Variants in SLC39A11 observed in about 807,000 individuals in gnomAD.
The protein encoded by SLC39A11 is solute carrier family 39 member 11.
A neutral mutation model predicts 36.1 loss-of-function variants in SLC39A11; 33 were observed. That is an observed-to-expected ratio of 0.91 (90% CI 0.69 to 1.22). The LOEUF is 1.22. Ranked by LOEUF, SLC39A11 falls within the 50% of genes most tolerant of loss-of-function variation. The pLI, the probability that SLC39A11 is intolerant of heterozygous loss-of-function variation, is 0.00. For missense variants in SLC39A11, 432 were observed against 430.3 expected, an observed-to-expected ratio of 1.00 and a Z score of -0.03; for synonymous variants, 166 against 170.3, an observed-to-expected ratio of 0.97 and a Z score of 0.20.
At chr17:72,960,827 C>CAA (rs144802846) in intron 4 of SLC39A11, among the ~76,000 whole-genome samples, 2 of 141,806 alleles carry the variant, frequency 1.4e-5, no homozygotes, top group Non-Finnish European at 3.1e-5. Flanking sequence ...AAACAAACAA[C>CAA]AAAAAAAAAA....
chr17:72,939,882 A>G (rs185955222), intron 5 of SLC39A11, among the ~76,000 whole-genome samples: 1 of 152,270 alleles, frequency 6.6e-6, no homozygotes, highest in East Asian at 1.9e-4. Flanking sequence ...CAGATTTTGG[A>G]ATATTTGCAT....
intron 5 of SLC39A11, among the ~76,000 whole-genome samples, chr17:72,908,634 T>C (rs973291751): frequency 7.2e-5 from 11 of 152,134 alleles, no homozygotes; most frequent in Admixed American, 2.0e-4. Context: ...CTACAGCCCA[T>C]GGGGTGACCA....
At chr17:72,970,932 G>A (rs551071214) in intron 4 of SLC39A11, among the ~76,000 whole-genome samples, 8 of 152,294 alleles carry the variant, frequency 5.3e-5, no homozygotes, top group East Asian at 1.9e-4. Flanking sequence ...CCCCTTGCAC[G>A]GCACCTCCGC....
intron 6 of SLC39A11, among the ~76,000 whole-genome samples, chr17:72,783,972 G>T (rs1568085885): frequency 1.3e-5 from 2 of 152,174 alleles, no homozygotes. Context: ...AGTAGAAGCA[G>T]ATGGGAAAGG....
At chr17:72,994,594 T>A (rs1323013475) in intron 4 of SLC39A11, among the ~76,000 whole-genome samples, 2 of 152,208 alleles carry the variant, frequency 1.3e-5, no homozygotes, top group Non-Finnish European at 2.9e-5. Flanking sequence ...TTTACGTGTA[T>A]CATATTTCAT....
intron 3 of SLC39A11, among the ~76,000 whole-genome samples, chr17:73,051,945 C>G (rs2059517891): frequency 6.6e-6 from 1 of 151,408 alleles, no homozygotes; most frequent in Non-Finnish European, 1.5e-5. Context: ...AATGTATCAT[C>G]AGGCTTAGGA....
At chr17:72,739,961 A>G (rs2074603048) in intron 6 of SLC39A11, among the ~76,000 whole-genome samples, 1 of 151,668 alleles carries the variant, frequency 6.6e-6, no homozygotes, top group Non-Finnish European at 1.5e-5. Context: ...TGTGTGCTAT[A>G]TATATTATAT....
chr17:72,674,622 T>G (rs2071172959), intron 7 of SLC39A11, among the ~76,000 whole-genome samples: 1 of 152,202 alleles, frequency 6.6e-6, no homozygotes, highest in Admixed American at 6.5e-5. Context: ...ATTGCCAAAT[T>G]TCTCTCCAGA....
intron 7 of SLC39A11, among the ~76,000 whole-genome samples, chr17:72,728,210 G>A (rs1210802195): frequency 6.6e-6 from 1 of 152,178 alleles, no homozygotes; most frequent in Non-Finnish European, 1.5e-5. Flanking sequence ...ACTTTGGGAG[G>A]CTGAGGCAGG....
At chr17:72,801,107 G>C (rs1405812030) in intron 6 of SLC39A11, among the ~76,000 whole-genome samples, 3 of 152,222 alleles carry the variant, frequency 2.0e-5, no homozygotes, top group Non-Finnish European at 2.9e-5. Flanking sequence ...AGAAGAGGCA[G>C]ATCTAGAGAA....
At chr17:72,838,743 G>C (rs932747250) in intron 6 of SLC39A11, among the ~76,000 whole-genome samples, 1 of 152,124 alleles carries the variant, frequency 6.6e-6, no homozygotes, top group East Asian at 1.9e-4. Context: ...ATGGAGTAGG[G>C]TCAGTAACCA....
chr17:72,796,598 G>A (rs561956571), intron 6 of SLC39A11, among the ~76,000 whole-genome samples: 1 of 152,240 alleles, frequency 6.6e-6, no homozygotes, highest in South Asian at 2.1e-4. Context: ...ACAGAATCAT[G>A]AGCAGAAAGC....
intron 7 of SLC39A11, among the ~76,000 whole-genome samples, chr17:72,657,410 A>C (rs1352212987): frequency 6.6e-6 from 1 of 152,192 alleles, no homozygotes; most frequent in Non-Finnish European, 1.5e-5. Context: ...AAAAATAAAC[A>C]TCAAGGAGGA....
intron 6 of SLC39A11, among the ~76,000 whole-genome samples, chr17:72,829,752 A>G (rs1443857556): frequency 4.6e-5 from 7 of 151,892 alleles, no homozygotes; most frequent in African/African-American, 1.7e-4. Flanking sequence ...ATGGGCCCCC[A>G]TGGCACTCAC....
At chr17:72,865,219 C>T (rs1317749091) in intron 5 of SLC39A11, among the ~76,000 whole-genome samples, 1 of 152,040 alleles carries the variant, frequency 6.6e-6, no homozygotes, top group African/African-American at 2.4e-5. Context: ...CTGGGTGTTA[C>T]TGTCCACATG....
chr17:72,718,700 C>T (rs1366529873), intron 7 of SLC39A11, among the ~76,000 whole-genome samples: 3 of 152,194 alleles, frequency 2.0e-5, no homozygotes, highest in Non-Finnish European at 4.4e-5. Flanking sequence ...ACAATGGCAG[C>T]TGCCCCTCAC....
intron 7 of SLC39A11, among the ~76,000 whole-genome samples, chr17:72,707,287 C>A (rs1459352265): frequency 6.6e-6 from 1 of 151,320 alleles, no homozygotes; most frequent in Non-Finnish European, 1.5e-5. Context: ...ACCTGTAATC[C>A]CAGCTACTTT....
chr17:72,960,480 A>C (rs545056484), intron 4 of SLC39A11, among the ~76,000 whole-genome samples: 1 of 152,196 alleles, frequency 6.6e-6, no homozygotes, highest in South Asian at 2.1e-4. Flanking sequence ...AAAACCAAGA[A>C]GGTAATTTTT....
At chr17:72,716,992 T>TATACAC (rs773086532) in intron 7 of SLC39A11, among the ~76,000 whole-genome samples, 7 of 126,448 alleles carry the variant, frequency 5.5e-5, no homozygotes, top group African/African-American at 2.2e-4. Context: ...TATATATATA[T>TATACAC]ACACACACAC....
Sources: allele counts gnomAD v4.1 joint callset (sites outside exome capture counted in the v4.1 genomes callset), GRCh38; gene constraint gnomAD v4.1.1; transcripts MANE v1.5; gene names NCBI Gene and HGNC (gene_info 2026-07-23, HGNC 2026-07-21).